The following HEG1 variants were observed in gnomAD, a reference collection of about 807,000 sequenced individuals.
HEG1 encodes the protein heart development protein with EGF like domains 1, also known as protein HEG homolog 1.
Under a neutral mutation model 125.6 loss-of-function variants are expected in HEG1, and 56 were observed. The observed-to-expected ratio is 0.45, with a 90% CI of 0.36 to 0.56. HEG1 has a LOEUF of 0.56. HEG1 is among the 20% of genes least tolerant of loss of function. HEG1 has a pLI of 0.00. For missense variants in HEG1, 1,523 were observed against 1,670.0 expected (o/e 0.91, Z 1.53); for synonymous variants, 644 against 668.5 (o/e 0.96, Z 0.57).
intron 5 of HEG1, among the ~76,000 whole-genome samples, chr3:125,018,279 A>G (rs1937284012): frequency 6.6e-6 from 1 of 152,250 alleles, no homozygotes; most frequent in African/African-American, 2.4e-5. Flanking sequence ...AAAGGACCAC[A>G]TATTGTATGA....
In HEG1 at chr3:125,045,762, C is replaced by T. The variant is rs1390612394; in HGVS notation, c.316+9813G>A. On this transcript the variant is annotated intron_variant, in intron 1 of 16. Coordinates refer to ENST00000311127, the MANE Select transcript of HEG1 (RefSeq NM_020733.2). ...TCCCGGGAAGCATTCATGACCAACACGTACACAGCACATGCATGTTTACAA... is the reference window on the plus strand; with the variant it reads ...TCCCGGGAAGCATTCATGACCAACATGTACACAGCACATGCATGTTTACAA... 5.3e-5 allele frequency among the ~76,000 whole-genome samples: 8 copies of T among 152,196 alleles called. No individual in the cohort carries two copies. The East Asian group carries it at 1.3e-3, about 26-fold the overall frequency.
rs1355360360 is a variant in HEG1 at position 124,966,606 on chromosome 3, C to T, written c.*4046G>A. The T allele has an allele frequency of 1.3e-5, 2 of 152,158 alleles. No homozygotes were observed. The highest frequency in any genetic ancestry group is 2.9e-5 in the Non-Finnish European group (2 of 68,030). 9.4% of individuals were successfully genotyped at this position (152,158 alleles called of 1,614,324 possible). A position where few individuals can be genotyped will look rare whatever the true frequency, so the allele number is the denominator to read the frequency against. The stretch of plus-strand genomic sequence containing the variant: ...TTCAGACAGGAAAAAAAAGATGCTA[C>T]TAAGGGTAATTTCAAGTAAAATACA... On this transcript the variant is annotated 3_prime_UTR_variant, in exon 17 of 17. Coordinates refer to ENST00000311127, the MANE Select transcript of HEG1 (RefSeq NM_020733.2).
chr3:125,044,059 A>C (rs1937625716), intron 1 of HEG1, among the ~76,000 whole-genome samples: 1 of 152,224 alleles, frequency 6.6e-6, no homozygotes, highest in South Asian at 2.1e-4. Flanking sequence ...AGGAAATCAT[A>C]GAAACATCAT....
chr3:124,991,690 C>A (rs1472028287), intron 12 of HEG1, among the ~76,000 whole-genome samples: 2 of 152,062 alleles, frequency 1.3e-5, no homozygotes, highest in Non-Finnish European at 2.9e-5. Context: ...TGGCTCACTG[C>A]AACCTCGACC....
At chr3:125,041,979 G>A (rs1937596984) in intron 1 of HEG1, among the ~76,000 whole-genome samples, 1 of 152,176 alleles carries the variant, frequency 6.6e-6, no homozygotes, top group African/African-American at 2.4e-5. Context: ...TATTTAATGA[G>A]TTTCTATTTG....
At chr3:125,002,461 T>G in intron 9 of HEG1, 146 bp from the exon 10 acceptor site, 1 of 652,966 alleles carries the variant, frequency 1.5e-6, no homozygotes, top group South Asian at 1.9e-5. Flanking sequence ...GGTGTCCTTT[T>G]TTTGTTCCCC....
At chr3:125,020,355 G>A (rs1220010922) in intron 4 of HEG1, among the ~76,000 whole-genome samples, 1 of 152,194 alleles carries the variant, frequency 6.6e-6, no homozygotes, top group East Asian at 1.9e-4. Context: ...AGCCTGGAGA[G>A]GTTGAGGCTG....
At chr3:125,040,156 G>C (rs1233518922) in intron 1 of HEG1, among the ~76,000 whole-genome samples, 2 of 152,196 alleles carry the variant, frequency 1.3e-5, no homozygotes, top group Admixed American at 1.3e-4. Flanking sequence ...GTGACGTTTG[G>C]GGTGATGTTA....
At chr3:125,019,170 C>T in intron 5 of HEG1, 92 bp downstream of exon 5, 1 of 1,085,284 alleles carries the variant, frequency 9.2e-7, no homozygotes, top group Non-Finnish European at 1.4e-6. Context: ...GCTAGGCCCT[C>T]ATGCGTGGTT....
rs1936350326 is a variant in HEG1, at chr3:124,968,073, T to C, written c.*2579A>G. The C allele has an allele frequency of 6.6e-6, 1 of 152,498 alleles. No individual in the cohort carries two copies. Among genetic ancestry groups the C allele is most frequent in the African/African-American group, 2.4e-5 (1 of 41,476 alleles). 9.4% of individuals were successfully genotyped at this position (152,498 alleles called of 1,614,324 possible). A position where few individuals can be genotyped will look rare whatever the true frequency, so the allele number is the denominator to read the frequency against. ...CTCACCTTCCCCCATCTGTGGGATA[T>C]TGGTGCAGGATTGTGGCATCTGTGC... On this transcript the variant is annotated 3_prime_UTR_variant, in exon 17 of 17. Transcript: ENST00000311127.
intron 14 of HEG1, among the ~76,000 whole-genome samples, chr3:124,984,684 G>C (rs566806982): frequency 6.6e-6 from 1 of 152,004 alleles, no homozygotes; most frequent in Non-Finnish European, 1.5e-5. Flanking sequence ...CCTTGAACCC[G>C]GGAGGCAGAG....
chr3:125,012,646 GT>G lies in HEG1; in HGVS notation c.2932del (p.Thr978GlnfsTer14). 6.2e-7 allele frequency: 1 copy of G among 1,613,638 alleles called. No homozygotes were observed. Among genetic ancestry groups the G allele is most frequent in the South Asian group, 1.1e-5 (1 of 90,926 alleles). Reference protein sequence around the residue: ...FAVQSSTQSPTTVSSSASVNS... With the variant: ...FAVQSSTQSPXTVSSSASVNS... ...ACCTGAGGCTGAAGAGGACACTGTT[GT>G]TGGTGACTGTGTGCTGCTCTGAACA... On this transcript the variant is annotated frameshift_variant, in exon 6 of 17. Coordinates refer to ENST00000311127, the MANE Select transcript of HEG1 (RefSeq NM_020733.2). LOFTEE classifies it high-confidence loss of function.
chr3:125,037,091 A>G (rs1211430364), intron 1 of HEG1, among the ~76,000 whole-genome samples: 1 of 152,240 alleles, frequency 6.6e-6, no homozygotes, highest in African/African-American at 2.4e-5. Flanking sequence ...TTATGAGATA[A>G]CATTTTAAAG....
chr3:125,055,782 G>C lies in HEG1; in HGVS notation c.109C>G (p.Pro37Ala). ...APGTRDPPPS[P>A]ARRALSLAPL... ...GCCAGGCTCAGCGCGCGGCGAGCCGGGGAAGGCGGCGGGTCCCGCGTCCCG... is the reference window on the plus strand; with the variant it reads ...GCCAGGCTCAGCGCGCGGCGAGCCGCGGAAGGCGGCGGGTCCCGCGTCCCG... The change falls in exon 1 of 17, where the codon CCG becomes GCG. Residue 37 changes from proline to alanine, a missense_variant. Physicochemically the swap from Pro to Ala is conservative, Grantham distance 27. Coordinates refer to ENST00000311127, the MANE Select transcript of HEG1 (RefSeq NM_020733.2). The C allele has an allele frequency of 2.0e-6, 2 of 991,286 alleles. No homozygotes were observed. The allele number at this position is 991,286 out of a possible 1,614,324, so 61.4% of individuals were successfully genotyped here.
intron 16 of HEG1, among the ~76,000 whole-genome samples, chr3:124,972,809 G>C (rs1936469318): frequency 6.6e-6 from 1 of 152,156 alleles, no homozygotes; most frequent in African/African-American, 2.4e-5. Context: ...TTCAATATGG[G>C]AGAAAGGCAG....
At chr3:125,012,214 G>T (rs1937167268) in intron 6 of HEG1, among the ~76,000 whole-genome samples, 1 of 152,128 alleles carries the variant, frequency 6.6e-6, no homozygotes, top group African/African-American at 2.4e-5. Context: ...GTTGATCCCT[G>T]TGTCAGCCAG....
At chr3:124,975,113 T>C (rs961752515) in intron 15 of HEG1, among the ~76,000 whole-genome samples, 18 of 152,270 alleles carry the variant, frequency 1.2e-4, no homozygotes, top group African/African-American at 4.1e-4. Context: ...TCTTTGATGA[T>C]TTGATGGCAA....
In HEG1 at chr3:124,973,771, C is replaced by T; in HGVS notation, c.3956G>A (p.Ser1319Asn). The change falls in exon 16 of 17, where the codon AGT becomes AAT. Residue 1319 changes from serine (S) to asparagine (N), a missense_variant. Coordinates refer to ENST00000311127, the MANE Select transcript of HEG1 (RefSeq NM_020733.2). ...CGTCATCTGGAGGAGGTTTTTGGTA[C>T]TTCCATTCTCATGCATTTCAATAGC... Reference protein sequence around the residue: ...REAIEMHENGSTKNLLQMTDV... With the variant: ...REAIEMHENGNTKNLLQMTDV... 1.2e-6 allele frequency: 2 copies of T among 1,613,934 alleles called. No individual in the cohort carries two copies. Among genetic ancestry groups the T allele is most frequent in the Non-Finnish European group, 1.7e-6 (2 of 1,179,858 alleles).
At chr3:125,027,079 G>A in intron 3 of HEG1, 126 bp downstream of exon 3, 1 of 817,492 alleles carries the variant, frequency 1.2e-6, no homozygotes, top group Non-Finnish European at 1.9e-6. Context: ...TTAGAGGAAT[G>A]GCATTTTGGC....
Sources: allele counts gnomAD v4.1 joint callset (sites outside exome capture counted in the v4.1 genomes callset), GRCh38; gene constraint gnomAD v4.1.1; transcripts MANE v1.5; gene names NCBI Gene and HGNC (gene_info 2026-07-23, HGNC 2026-07-21).